CCDC192: variants seen among roughly 807,000 people sequenced by gnomAD.
The protein encoded by CCDC192 is coiled-coil domain containing 192.
At chr5:127,755,778 C>T (rs778229471) in intron 3 of CCDC192, among the ~76,000 whole-genome samples, 12 of 140,360 alleles carry the variant, frequency 8.5e-5, no homozygotes, top group Non-Finnish European at 1.8e-4. Context: ...TTAGGTTACA[C>T]TAAGAAGGTA....
intron 2 of CCDC192, among the ~76,000 whole-genome samples, chr5:127,743,094 G>C (rs1753515459): frequency 6.6e-6 from 1 of 151,976 alleles, no homozygotes; most frequent in Non-Finnish European, 1.5e-5. Context: ...GAGAGACACA[G>C]ACAGGAGAAG....
At chr5:127,865,628 C>G (rs1405199204) in intron 5 of CCDC192, among the ~76,000 whole-genome samples, 1 of 149,374 alleles carries the variant, frequency 6.7e-6, no homozygotes, top group African/African-American at 2.5e-5. Context: ...ATCATCAAAT[C>G]GACAAAGACT....
chr5:127,884,959 CA>C lies in CCDC192; in HGVS notation c.535+9299del, dbSNP rs1159142641. 2.6e-5 allele frequency among the ~76,000 whole-genome samples: 4 copies of C among 152,112 alleles called. No homozygotes were observed. In the East Asian group the frequency reaches 7.7e-4, roughly 29 times the overall value. The stretch of plus-strand genomic sequence containing the variant: ...TACCCTGAAATTTTTGGTTGGGGTC[CA>C]GTGTTTTCTAACTACACCAGCTGTG... On this transcript the variant is annotated intron_variant, in intron 6 of 6. Coordinates refer to ENST00000514853, the MANE Select transcript of CCDC192 (RefSeq NM_001317938.2).
At chr5:127,877,135 C>T (rs987922571) in intron 6 of CCDC192, among the ~76,000 whole-genome samples, 3 of 152,056 alleles carry the variant, frequency 2.0e-5, no homozygotes, top group Non-Finnish European at 2.9e-5. Flanking sequence ...GTTTTAAACC[C>T]GGTGCAAAAA....
chr5:127,926,478 G>A (rs1407254473), intron 6 of CCDC192, among the ~76,000 whole-genome samples: 1 of 152,154 alleles, frequency 6.6e-6, no homozygotes, highest in African/African-American at 2.4e-5. Context: ...AGAATTATAA[G>A]GATGTGGAGG....
intron 6 of CCDC192, among the ~76,000 whole-genome samples, chr5:127,902,553 G>A (rs1170415484): frequency 2.0e-5 from 3 of 152,146 alleles, no homozygotes; most frequent in African/African-American, 7.2e-5. Flanking sequence ...CTATCTGCAT[G>A]CATTCATGAG....
At chr5:127,757,798 ACTCTCT>A (rs112955117) in intron 3 of CCDC192, among the ~76,000 whole-genome samples, 1,777 of 117,190 alleles carry the variant, frequency 0.015, 40 homozygotes, top group African/African-American at 0.059. Flanking sequence ...ACACACACAC[ACTCTCT>A]CTCTCTCTCT....
intron 2 of CCDC192, among the ~76,000 whole-genome samples, chr5:127,739,204 G>C (rs544912117): frequency 4.0e-4 from 61 of 152,258 alleles, no homozygotes; most frequent in African/African-American, 1.3e-3. Flanking sequence ...AGGTGTCAGT[G>C]TGCCCCTGCT....
At chr5:127,890,353 C>T (rs1752698372) in intron 6 of CCDC192, among the ~76,000 whole-genome samples, 1 of 151,536 alleles carries the variant, frequency 6.6e-6, no homozygotes, top group African/African-American at 2.4e-5. Flanking sequence ...CCAGTTGCTC[C>T]TGTAGATAAG....
intron 2 of CCDC192, among the ~76,000 whole-genome samples, chr5:127,750,130 T>C (rs1285347576): frequency 2.6e-5 from 4 of 152,184 alleles, no homozygotes; most frequent in African/African-American, 7.2e-5. Flanking sequence ...CTGCTCGGAT[T>C]TTAGTTATTT....
At chr5:127,786,515 C>T (rs1460935252) in intron 3 of CCDC192, 5 of 634,890 alleles carry the variant, frequency 7.9e-6, no homozygotes, top group Non-Finnish European at 1.5e-5. Flanking sequence ...AACAGAATTT[C>T]TTACCTGTTT....
chr5:127,894,350 G>T (rs1370554643), intron 6 of CCDC192, among the ~76,000 whole-genome samples: 1 of 151,620 alleles, frequency 6.6e-6, no homozygotes, highest in Non-Finnish European at 1.5e-5. Flanking sequence ...CTGCCACCAC[G>T]CCTGGCTAAT....
intron 3 of CCDC192, among the ~76,000 whole-genome samples, chr5:127,756,081 C>T (rs374571823): frequency 6.6e-6 from 1 of 151,300 alleles, no homozygotes; most frequent in African/African-American, 2.4e-5. Flanking sequence ...TGCAGTGAGC[C>T]GAGATTGCGC....
At chr5:127,798,281 T>TA (rs902866336) in intron 5 of CCDC192, 119 bp downstream of exon 5, 31 of 391,470 alleles carry the variant, frequency 7.9e-5, no homozygotes, top group African/African-American at 5.8e-4. Flanking sequence ...ATCACAAGGC[T>TA]AAAAATGAGT....
At chr5:127,785,252 G>C (rs1008195031) in intron 3 of CCDC192, 4 of 508,814 alleles carry the variant, frequency 7.9e-6, no homozygotes, top group African/African-American at 1.9e-5. Context: ...GTGAATTGCC[G>C]ATAACTACAT....
intron 2 of CCDC192, among the ~76,000 whole-genome samples, chr5:127,742,051 C>G (rs1753449463): frequency 1.3e-5 from 2 of 152,150 alleles, no homozygotes; most frequent in South Asian, 4.1e-4. Flanking sequence ...GGCTGAGACT[C>G]CTAGTGAGCA....
intron 5 of CCDC192, among the ~76,000 whole-genome samples, chr5:127,866,446 A>T (rs1037455622): frequency 6.7e-6 from 1 of 148,768 alleles, no homozygotes; most frequent in Non-Finnish European, 1.5e-5. Context: ...TGCCTCTACA[A>T]AACCATTTTT....
intron 6 of CCDC192, among the ~76,000 whole-genome samples, chr5:127,901,341 G>A (rs1753033198): frequency 6.6e-6 from 1 of 151,950 alleles, no homozygotes; most frequent in South Asian, 2.1e-4. Context: ...TCAACCTAGG[G>A]TGGAAAAAAA....
intron 5 of CCDC192, among the ~76,000 whole-genome samples, chr5:127,806,567 T>A (rs1757793693): frequency 6.6e-6 from 1 of 152,200 alleles, no homozygotes; most frequent in Non-Finnish European, 1.5e-5. Context: ...AAGCTTAGAC[T>A]TCTCACATCA....
Sources: gnomAD v4.1 joint callset for allele counts (sites outside exome capture counted in the v4.1 genomes callset) on GRCh38, gnomAD v4.1.1 for gene constraint, MANE v1.5 for transcripts, NCBI Gene and HGNC (gene_info 2026-07-23, HGNC 2026-07-21) for gene names.